Variants in MAGI2 observed in about 807,000 individuals in gnomAD.
MAGI2 encodes the protein membrane-associated guanylate kinase, WW and PDZ domain-containing protein 2.
MAGI2 carries 35 observed loss-of-function variants against 133.3 expected under a neutral mutation model. The ratio of observed to expected loss-of-function variants is 0.26; its 90% CI spans 0.20 to 0.35. The LOEUF (loss-of-function observed/expected upper bound fraction) is 0.35, where lower values mean the gene tolerates loss of function less well. Ranked by LOEUF, MAGI2 falls within the 10% of genes least tolerant of loss-of-function variation. The pLI, the probability that MAGI2 is intolerant of heterozygous loss-of-function variation, is 1.00. For synonymous variants in MAGI2, 729 were observed against 710.6 expected (o/e 1.03, Z -0.41); for missense variants, 1,636 against 1,863.4 (o/e 0.88, Z 2.25).
intron 9 of MAGI2, among the ~76,000 whole-genome samples, chr7:78,328,036 A>G (rs1788762264): frequency 6.6e-6 from 1 of 152,166 alleles, no homozygotes; most frequent in South Asian, 2.1e-4. Flanking sequence ...GGAAAATGTC[A>G]TTTCTGCCAG....
intron 1 of MAGI2, among the ~76,000 whole-genome samples, chr7:79,248,726 CT>C (rs747574237): frequency 6.6e-6 from 1 of 151,750 alleles, no homozygotes; most frequent in Non-Finnish European, 1.5e-5. Context: ...ATTTTGGAAA[CT>C]ATACAAACAC....
chr7:78,207,324 A>T (rs552196612), intron 10 of MAGI2, among the ~76,000 whole-genome samples: 1 of 152,320 alleles, frequency 6.6e-6, no homozygotes, highest in Non-Finnish European at 1.5e-5. Flanking sequence ...AAACTCTTTC[A>T]ATACAAGAAA....
chr7:78,320,349 T>C (rs576207445), intron 9 of MAGI2, among the ~76,000 whole-genome samples: 1 of 152,122 alleles, frequency 6.6e-6, no homozygotes, highest in African/African-American at 2.4e-5. Context: ...ATATCCCTGA[T>C]GAACATCACT....
intron 6 of MAGI2, among the ~76,000 whole-genome samples, chr7:78,482,091 T>C (rs538324462): frequency 4.9e-4 from 75 of 152,018 alleles, no homozygotes; most frequent in African/African-American, 1.7e-3. Flanking sequence ...GCAAAAGACA[T>C]GATCAGATTT....
intron 1 of MAGI2, among the ~76,000 whole-genome samples, chr7:79,287,882 G>A (rs375372450): frequency 1.6e-5 from 2 of 127,324 alleles, no homozygotes; most frequent in African/African-American, 5.3e-5. Flanking sequence ...ATAGAAAATT[G>A]TACAATGCAA....
intron 16 of MAGI2, among the ~76,000 whole-genome samples, chr7:78,137,741 T>C (rs899857333): frequency 3.9e-5 from 6 of 152,134 alleles, no homozygotes; most frequent in Middle Eastern, 3.2e-3. Flanking sequence ...CAGGTCTCTG[T>C]AGGAAAACAT....
At chr7:78,756,964 C>T (rs1275123192) in intron 2 of MAGI2, among the ~76,000 whole-genome samples, 1 of 152,132 alleles carries the variant, frequency 6.6e-6, no homozygotes, top group African/African-American at 2.4e-5. Flanking sequence ...AAGCTACCTG[C>T]CAATTATTCT....
intron 2 of MAGI2, among the ~76,000 whole-genome samples, chr7:78,749,702 AT>A (rs1264291238): frequency 6.6e-6 from 1 of 152,050 alleles, no homozygotes; most frequent in Non-Finnish European, 1.5e-5. Flanking sequence ...CACTGGGGAG[AT>A]GTTAAAGATT....
chr7:78,192,230 C>G (rs1828287002), intron 12 of MAGI2, among the ~76,000 whole-genome samples: 1 of 151,900 alleles, frequency 6.6e-6, no homozygotes, highest in Non-Finnish European at 1.5e-5. Flanking sequence ...CTGATTTTTC[C>G]CCCCCCAGGA....
rs765675543 is a variant in MAGI2, at chr7:78,917,931, C to T, written c.418+89159G>A. ...ATGGTGCATTGAGCTTCCATGCCCT[C>T]TTAGGGCATGCCACCATCTTAGTAC... On this transcript the variant is annotated intron_variant, in intron 2 of 21. Transcript: ENST00000354212. Among the ~76,000 whole-genome samples, 6 of 152,274 alleles carry T rather than the reference C, an allele frequency of 3.9e-5. No homozygotes were observed. The East Asian group carries it at 1.2e-3, about 29-fold the overall frequency.
chr7:79,132,473 C>A (rs1821020980), intron 1 of MAGI2, among the ~76,000 whole-genome samples: 1 of 152,032 alleles, frequency 6.6e-6, no homozygotes. Flanking sequence ...GACATTATTT[C>A]ATTTATTTTA....
intron 3 of MAGI2, among the ~76,000 whole-genome samples, chr7:78,534,244 A>T (rs958744889): frequency 6.6e-6 from 1 of 152,238 alleles, no homozygotes; most frequent in Admixed American, 6.5e-5. Context: ...GAAGAGTTCA[A>T]GTTAGGCTTT....
rs1265484868 is a variant in MAGI2, at chr7:78,125,775, A to G, written c.3486T>C (p.Arg1162=). The change falls in exon 20 of 22, where the codon CGT becomes CGC. Residue 1162 remains arginine (R), a synonymous_variant. Coordinates refer to ENST00000354212, the MANE Select transcript of MAGI2 (RefSeq NM_012301.4). ...AATCCATTTTGTATTCCCTTCCTCCACGAATGCTGAATCCAAATCCTTTGG... is the reference window on the plus strand; with the variant it reads ...AATCCATTTTGTATTCCCTTCCTCCGCGAATGCTGAATCCAAATCCTTTGG... ...KGAKGFGFSI[R]GGREYKMDLY... is the part of the protein sequence containing the mutation. The G allele has an allele frequency of 1.2e-6, 2 of 1,614,064 alleles. No homozygotes were observed. The highest frequency in any genetic ancestry group is 4.5e-5 in the East Asian group (2 of 44,878).
At chr7:78,191,096 G>A (rs1439745321) in intron 12 of MAGI2, among the ~76,000 whole-genome samples, 1 of 152,126 alleles carries the variant, frequency 6.6e-6, no homozygotes, top group Non-Finnish European at 1.5e-5. Context: ...TAGGGTCAAT[G>A]TTTAAATAAT....
At chr7:78,471,792 GT>G (rs1408878206) in intron 6 of MAGI2, among the ~76,000 whole-genome samples, 1 of 151,990 alleles carries the variant, frequency 6.6e-6, no homozygotes, top group Non-Finnish European at 1.5e-5. Context: ...AGGTATGGTG[GT>G]GTGCACTTGT....
At position 78,019,532 on chromosome 7, in the gene MAGI2, C is replaced by T; in HGVS notation, c.4151G>A (p.Gly1384Glu). The part of the protein sequence containing the change: ...GSELCRREGP[G>E]AAPAFAGPGG... ...CGGGCCGGCAAACGCCGGCGCAGCC[C>T]CCGGGCCTTCGCGCCGGCAGAGCTC... is the stretch of plus-strand genomic sequence containing the variant. The change falls in exon 22 of 22, where the codon GGG becomes GAG. Residue 1384 changes from glycine to glutamate, a missense_variant. Physicochemically the swap from Gly to Glu is moderately conservative, Grantham distance 98. This residue lies in a region of MAGI2 where 354 missense variants were observed against 298.7 expected (regional missense o/e 1.19). Transcript: ENST00000354212. 1.0e-6 allele frequency: 1 copy of T among 980,462 alleles called. No individual in the cohort carries two copies. The highest frequency in any genetic ancestry group is 1.2e-6 in the Non-Finnish European group (1 of 828,148). 60.7% of individuals were successfully genotyped at this position (980,462 alleles called of 1,614,324 possible). A position where few individuals can be genotyped will look rare whatever the true frequency, so the allele number is the denominator to read the frequency against.
intron 6 of MAGI2, among the ~76,000 whole-genome samples, chr7:78,392,507 C>A (rs537073324): frequency 6.6e-6 from 1 of 152,026 alleles, no homozygotes; most frequent in Non-Finnish European, 1.5e-5. Context: ...TAATATAGAT[C>A]AACTAATGGA....
rs528357068 is a variant in MAGI2 at position 78,427,384 on chromosome 7, G to C, written c.1046-58171C>G. Reference sequence around the variant, plus strand: ...ATGTAAAGACAAAGAAAAAGTGAAAGTAAAAGGATAGAAAAAGACAAGTCA... The same window carrying C: ...ATGTAAAGACAAAGAAAAAGTGAAACTAAAAGGATAGAAAAAGACAAGTCA... On this transcript the variant is annotated intron_variant, in intron 6 of 21. Coordinates refer to ENST00000354212, the MANE Select transcript of MAGI2 (RefSeq NM_012301.4). Among the ~76,000 whole-genome samples the C allele has an allele frequency of 4.6e-5, 7 of 152,120 alleles. 1 individual carries two copies. The highest frequency in any genetic ancestry group is 5.9e-5 in the Non-Finnish European group (4 of 67,958).
At chr7:78,455,744 A>T (rs1396869745) in intron 6 of MAGI2, among the ~76,000 whole-genome samples, 1 of 152,130 alleles carries the variant, frequency 6.6e-6, no homozygotes, top group Non-Finnish European at 1.5e-5. Context: ...CAGTGATGTT[A>T]GTCTGGCTTC....
Sources: allele counts gnomAD v4.1 joint callset (sites outside exome capture counted in the v4.1 genomes callset), GRCh38; gene constraint gnomAD v4.1.1; regional missense constraint gnomAD v4.1.1; transcripts MANE v1.5; gene names NCBI Gene and HGNC (gene_info 2026-07-23, HGNC 2026-07-21).